Variants in EPB41L3 observed in about 807,000 individuals in gnomAD.
The protein encoded by EPB41L3 is band 4.1-like protein 3.
Under a neutral mutation model 127.1 loss-of-function variants are expected in EPB41L3, and 57 were observed. That is an observed-to-expected ratio of 0.45 (90% CI 0.36 to 0.56). EPB41L3 has a LOEUF of 0.56. EPB41L3 is among the 20% of genes least tolerant of loss of function. EPB41L3 has a pLI of 0.00. For synonymous variants in EPB41L3, 572 were observed against 549.5 expected, an observed-to-expected ratio of 1.04 and a Z score of -0.57; for missense variants, 1,273 against 1,372.2, an observed-to-expected ratio of 0.93 and a Z score of 1.14.
At chr18:5,462,681 T>C (rs1271350988) in intron 3 of EPB41L3, among the ~76,000 whole-genome samples, 1 of 152,088 alleles carries the variant, frequency 6.6e-6, no homozygotes, top group Non-Finnish European at 1.5e-5. Context: ...ACTTCAAAGG[T>C]TAGTATCCCC....
intron 3 of EPB41L3, among the ~76,000 whole-genome samples, chr18:5,461,808 G>T (rs745811419): frequency 4.6e-5 from 7 of 152,144 alleles, no homozygotes; most frequent in Non-Finnish European, 8.8e-5. Flanking sequence ...AATGTTATTT[G>T]TTCCAACAAA....
chr18:5,517,086 T>A (rs2092780115), intron 1 of EPB41L3, among the ~76,000 whole-genome samples: 1 of 152,086 alleles, frequency 6.6e-6, no homozygotes, highest in Non-Finnish European at 1.5e-5. Context: ...CAGAGCAACA[T>A]CGTCTTGTCG....
intron 1 of EPB41L3, among the ~76,000 whole-genome samples, chr18:5,619,433 G>T (rs936456951): frequency 1.3e-5 from 2 of 151,612 alleles, no homozygotes; most frequent in Non-Finnish European, 2.9e-5. Flanking sequence ...AAATAATTTT[G>T]TGGGTCAGAC....
At chr18:5,594,740 T>C (rs1785409) in intron 3 of EPB41L3, among the ~76,000 whole-genome samples, 60,636 of 151,980 alleles carry the variant, frequency 0.4, 12,773 homozygotes, top group Non-Finnish European at 0.47. Context: ...TAATCTAGTC[T>C]AGCAGTGAAT....
chr18:5,410,053 G>A (rs747209449), intron 14 of EPB41L3, among the ~76,000 whole-genome samples: 35 of 151,990 alleles, frequency 2.3e-4, no homozygotes, highest in Non-Finnish European at 4.7e-4. Flanking sequence ...ACAGTCAAAG[G>A]CTACAAAAAT....
At chr18:5,394,886 A>T in intron 21 of EPB41L3, 93 bp from the exon 22 acceptor site, 1 of 1,261,662 alleles carries the variant, frequency 7.9e-7, no homozygotes, top group Middle Eastern at 1.9e-4. Flanking sequence ...CTAGATCTAT[A>T]TCCACAATTT....
intron 3 of EPB41L3, among the ~76,000 whole-genome samples, chr18:5,603,409 C>T (rs914568664): frequency 2.0e-5 from 3 of 152,158 alleles, no homozygotes; most frequent in Non-Finnish European, 2.9e-5. Context: ...AGCATGTTCC[C>T]GTGTTTTGGA....
At chr18:5,611,599 C>T (rs1170607371) in intron 3 of EPB41L3, among the ~76,000 whole-genome samples, 4 of 152,098 alleles carry the variant, frequency 2.6e-5, no homozygotes. Flanking sequence ...TTATGACATG[C>T]ATACCAAGAA....
intron 3 of EPB41L3, among the ~76,000 whole-genome samples, chr18:5,606,331 GA>G (rs1280357191): frequency 2.6e-5 from 4 of 152,034 alleles, no homozygotes; most frequent in Non-Finnish European, 5.9e-5. Context: ...TATTAAACAT[GA>G]AATCATCTGT....
chr18:5,439,142 G>C (rs2146053882), intron 5 of EPB41L3, among the ~76,000 whole-genome samples: 1 of 152,108 alleles, frequency 6.6e-6, no homozygotes, highest in African/African-American at 2.4e-5. Context: ...CCTAGGTCCT[G>C]CTTGTATTTC....
intron 12 of EPB41L3, among the ~76,000 whole-genome samples, chr18:5,418,176 C>T (rs1437793740): frequency 6.6e-6 from 1 of 152,196 alleles, no homozygotes; most frequent in Non-Finnish European, 1.5e-5. Context: ...ATTTCAGCTA[C>T]AGACTTCCTG....
At chr18:5,630,615 G>T (rs373837096), upstream of EPB41L3, 14 of 468,548 alleles carry the variant, frequency 3.0e-5, no homozygotes, top group East Asian at 3.2e-4. Context: ...CCGCAGCTGC[G>T]GTGGCGGCAC....
At chr18:5,415,017 T>C (rs2076626617) in intron 13 of EPB41L3, among the ~76,000 whole-genome samples, 1 of 152,218 alleles carries the variant, frequency 6.6e-6, no homozygotes, top group Non-Finnish European at 1.5e-5. Flanking sequence ...TGGGGGGATT[T>C]TGAGACTCAT....
Position 5,445,810 on chromosome 18 carries a change from C to T in EPB41L3, c.382-566G>A, listed in dbSNP as rs576016039. Among the ~76,000 whole-genome samples, 4 of 152,308 alleles carry T rather than the reference C, an allele frequency of 2.6e-5. No individual in the cohort carries two copies. In the South Asian group the frequency reaches 6.2e-4, roughly 24 times the overall value. On this transcript the variant is annotated intron_variant, in intron 3 of 22. Transcript: ENST00000341928. ...GTCAGATCAGTGGCAGAATTTCATT[C>T]TCATAGGAGTTCGAACCCTATTGTG...
intron 2 of EPB41L3, 92 bp downstream of exon 2, chr18:5,488,909 T>G: frequency 7.2e-7 from 1 of 1,383,418 alleles, no homozygotes. Context: ...TGACCCCTCA[T>G]AGCTGCCTCT....
intron 3 of EPB41L3, among the ~76,000 whole-genome samples, chr18:5,470,683 T>C (rs1249464412): frequency 6.6e-6 from 1 of 152,250 alleles, no homozygotes; most frequent in Non-Finnish European, 1.5e-5. Context: ...CCTTGTCTCC[T>C]ACCTCGTTGA....
At chr18:5,452,377 C>CCT (rs2082397848) in intron 3 of EPB41L3, among the ~76,000 whole-genome samples, 1 of 120,122 alleles carries the variant, frequency 8.3e-6, no homozygotes, top group Non-Finnish European at 1.8e-5. Context: ...TGCCTAAAAT[C>CCT]CTTTTTTTTT....
chr18:5,587,178 G>A (rs1291381037), intron 3 of EPB41L3, among the ~76,000 whole-genome samples: 1 of 152,148 alleles, frequency 6.6e-6, no homozygotes, highest in Non-Finnish European at 1.5e-5. Context: ...TATTCAGGAA[G>A]AAGCAGGGAA....
chr18:5,556,746 G>A (rs896599066), intron 3 of EPB41L3, among the ~76,000 whole-genome samples: 7 of 152,124 alleles, frequency 4.6e-5, no homozygotes, highest in South Asian at 4.2e-4. Flanking sequence ...CCTCTGCCCC[G>A]CTCCTCCCTC....
Sources: allele counts gnomAD v4.1 joint callset (sites outside exome capture counted in the v4.1 genomes callset), GRCh38; gene constraint gnomAD v4.1.1; transcripts MANE v1.5; gene names NCBI Gene and HGNC (gene_info 2026-07-23, HGNC 2026-07-21).